Variants in SLC25A19 observed in about 807,000 individuals in gnomAD.
SLC25A19 encodes solute carrier family 25 member 19, also known as mitochondrial thiamine pyrophosphate carrier.
SLC25A19 carries 18 observed loss-of-function variants against 27.9 expected under a neutral mutation model. The observed-to-expected ratio is 0.64, with a 90% CI of 0.45 to 0.96. The LOEUF is 0.96. Ranked by LOEUF, SLC25A19 falls within the 40% of genes least tolerant of loss-of-function variation. SLC25A19 has a pLI of 0.00. For missense variants in SLC25A19, 371 were observed against 418.3 expected, an observed-to-expected ratio of 0.89 and a Z score of 0.99; for synonymous variants, 169 against 167.1, an observed-to-expected ratio of 1.01 and a Z score of -0.09.
chr17:75,276,850 T>A (rs1190329610), intron 7 of SLC25A19, among the ~76,000 whole-genome samples: 2 of 11,972 alleles, frequency 1.7e-4, no homozygotes, highest in Non-Finnish European at 1.1e-3. Flanking sequence ...AATTTTTTTG[T>A]TTTTTTTTTT....
chr17:75,288,332 C>G (rs1047543175), intron 2 of SLC25A19, 170 bp downstream of exon 2: 1 of 152,192 alleles, frequency 6.6e-6, no homozygotes, highest in African/African-American at 2.4e-5. Flanking sequence ...TGCCTTGCCT[C>G]TACTCCTCCA....
At chr17:75,284,749 C>G (rs1598195165) in intron 4 of SLC25A19, among the ~76,000 whole-genome samples, 1 of 148,224 alleles carries the variant, frequency 6.7e-6, no homozygotes, top group Non-Finnish European at 1.5e-5. Context: ...CTCCAGTGAT[C>G]CTCTCACCTC....
chr17:75,284,595 C>T (rs1161136101), intron 4 of SLC25A19, among the ~76,000 whole-genome samples: 1 of 149,582 alleles, frequency 6.7e-6, no homozygotes, highest in Non-Finnish European at 1.5e-5. Context: ...CTTTTGGGAG[C>T]ATGTTCCACA....
Position 75,285,166 on chromosome 17 carries a change from A to C in SLC25A19, c.288+1138T>G, listed in dbSNP as rs367940206. ...TGCCCAGGCTGGTCTCAAACTCCTG[A>C]GCTCAAGCCATCCTCCCACCTCAGC... On this transcript the variant is annotated intron_variant, in intron 4 of 7. Transcript: ENST00000416858. Among the ~76,000 whole-genome samples, 2 of 152,186 alleles carry C rather than the reference A, an allele frequency of 1.3e-5. 1 individual carries two copies. The highest frequency in any genetic ancestry group is 4.8e-5 in the African/African-American group (2 of 41,534).
intron 7 of SLC25A19, among the ~76,000 whole-genome samples, chr17:75,276,435 G>A (rs1367423629): frequency 6.7e-6 from 1 of 149,782 alleles, no homozygotes; most frequent in African/African-American, 2.5e-5. Context: ...TGGTGCAATC[G>A]TGGCTCCCTG....
At chr17:75,276,147 C>A (rs748710792) in intron 7 of SLC25A19, among the ~76,000 whole-genome samples, 4 of 151,362 alleles carry the variant, frequency 2.6e-5, no homozygotes, top group Non-Finnish European at 1.5e-5. Flanking sequence ...TGGTGGCACG[C>A]GCTTGTAATC....
intron 6 of SLC25A19, among the ~76,000 whole-genome samples, chr17:75,277,853 T>C (rs1398699854): frequency 7.7e-6 from 1 of 129,190 alleles, no homozygotes; most frequent in African/African-American, 2.9e-5. Context: ...AAAAAGCAAC[T>C]GAAGAACCTC....
intron 5 of SLC25A19, among the ~76,000 whole-genome samples, chr17:75,278,949 C>A (rs913547986): frequency 6.6e-6 from 1 of 151,590 alleles, no homozygotes; most frequent in Non-Finnish European, 1.5e-5. Context: ...TACCACGGCA[C>A]TCCAACCTGG....
Position 75,273,386 on chromosome 17 carries a change from T to C in SLC25A19, c.*65A>G. ...GGAAGGGCCAGACGGCACCTCTCAG[T>C]GGAGACTGAATCTTCCTTCCTTCAG... On this transcript the variant is annotated 3_prime_UTR_variant, in exon 8 of 8. Coordinates refer to ENST00000416858, the MANE Select transcript of SLC25A19 (RefSeq NM_001126121.2). 1 of 1,553,226 alleles carries C rather than the reference T, an allele frequency of 6.4e-7. No individual in the cohort carries two copies. The highest frequency in any genetic ancestry group is 1.9e-5 in the Admixed American group (1 of 53,738).
At chr17:75,286,275 G>C (rs768681167) in intron 4 of SLC25A19, 29 bp downstream of exon 4, 2 of 1,611,840 alleles carry the variant, frequency 1.2e-6, no homozygotes, top group African/African-American at 2.7e-5. Context: ...CGTGACCCCA[G>C]AGGTCTGGCC....
intron 2 of SLC25A19, 121 bp from the exon 3 acceptor site, chr17:75,286,923 T>G: frequency 4.0e-6 from 4 of 998,342 alleles, no homozygotes; most frequent in Non-Finnish European, 6.0e-6. Flanking sequence ...ACTTTTGGAC[T>G]GGGCGCAGCG....
chr17:75,278,253 G>T lies in SLC25A19; in HGVS notation c.542C>A (p.Thr181Asn). 1 of 1,614,072 alleles carries T rather than the reference G, an allele frequency of 6.2e-7. No homozygotes were observed. ...GGCGTAGGGGAAGATGGCGATCAAG[G>T]TGGGAGCCAAGCCTTTGTAGAAAAC... ...PQVFYKGLAP[T>N]LIAIFPYAGL... The change falls in exon 6 of 8, where the codon ACC (threonine) becomes AAC (asparagine). Residue 181 changes from threonine to asparagine, a missense_variant. Coordinates refer to ENST00000416858, the MANE Select transcript of SLC25A19 (RefSeq NM_001126121.2).
intron 5 of SLC25A19, among the ~76,000 whole-genome samples, chr17:75,283,143 C>CA (rs1004930302): frequency 1.3e-5 from 2 of 149,330 alleles, no homozygotes. Flanking sequence ...ACTAAAAATA[C>CA]AAAAAAAATT....
intron 5 of SLC25A19, among the ~76,000 whole-genome samples, chr17:75,282,049 G>A (rs964437426): frequency 1.4e-5 from 2 of 147,480 alleles, no homozygotes; most frequent in African/African-American, 5.0e-5. Context: ...GCGGGCAGAC[G>A]GCTTGAGCTC....
At chr17:75,287,261 G>A (rs2078205647) in intron 2 of SLC25A19, 2 of 165,590 alleles carry the variant, frequency 1.2e-5, no homozygotes, top group South Asian at 1.3e-4. Flanking sequence ...CTTAACAGGT[G>A]CAGGCCTGGC....
intron 4 of SLC25A19, 108 bp downstream of exon 4, chr17:75,286,196 G>A: frequency 1.4e-6 from 2 of 1,403,574 alleles, no homozygotes; most frequent in Admixed American, 1.7e-5. Context: ...CGTGGGGCCT[G>A]CCTCTTCCGT....
chr17:75,283,484 G>A lies in SLC25A19; in HGVS notation c.398C>T (p.Thr133Ile). Residue 133 changes from threonine (T) to isoleucine (I), a missense_variant, in exon 5 of 8, where the codon ACC (threonine) becomes ATC (isoleucine). Physicochemically the swap from Thr to Ile is moderately conservative, Grantham distance 89 (BLOSUM62 -1). Coordinates refer to ENST00000416858, the MANE Select transcript of SLC25A19 (RefSeq NM_001126121.2). The part of the protein sequence containing the change: ...VCGGLAACMA[T>I]LTVHPVDVLR... The stretch of plus-strand genomic sequence containing the variant: ...AACATCCACGGGGTGCACAGTGAGG[G>A]TGGCCATACAGGCAGCCAGGCCACC... 1 of 1,613,306 alleles carries A rather than the reference G, an allele frequency of 6.2e-7. No individual in the cohort carries two copies. The highest frequency in any genetic ancestry group is 8.5e-7 in the Non-Finnish European group (1 of 1,179,872).
At chr17:75,284,695 T>G (rs551012420) in intron 4 of SLC25A19, among the ~76,000 whole-genome samples, 43 of 146,996 alleles carry the variant, frequency 2.9e-4, no homozygotes, top group Non-Finnish European at 5.2e-4. Context: ...CAGGCTGGAG[T>G]ACAGTGGCAC....
At position 75,277,236 on chromosome 17, in the gene SLC25A19, T is replaced by G. The variant is rs529621140; in HGVS notation, c.774+117A>C. 1.5e-5 allele frequency: 20 copies of G among 1,349,844 alleles called. No homozygotes were observed. The East Asian group carries it at 4.5e-4, about 31-fold the overall frequency. The allele number at this position is 1,349,844 out of a possible 1,614,324, so 83.6% of individuals were successfully genotyped here. A position where few individuals can be genotyped will look rare whatever the true frequency, so the allele number is the denominator to read the frequency against. ...AGGGATCTCAAGGAATGGACGCAGGTGAAGGGGCCATGGCCAGGGGTGATG... is the reference window on the plus strand; with the variant it reads ...AGGGATCTCAAGGAATGGACGCAGGGGAAGGGGCCATGGCCAGGGGTGATG... On this transcript the variant is annotated intron_variant, in intron 7 of 7. Coordinates refer to ENST00000416858, the MANE Select transcript of SLC25A19 (RefSeq NM_001126121.2).
Sources: gnomAD v4.1 joint callset for allele counts (sites outside exome capture counted in the v4.1 genomes callset) on GRCh38, gnomAD v4.1.1 for gene constraint, MANE v1.5 for transcripts, NCBI Gene and HGNC (gene_info 2026-07-23, HGNC 2026-07-21) for gene names.